The following TRPM3 variants were observed in gnomAD, a reference collection of about 807,000 sequenced individuals.
TRPM3 encodes transient receptor potential cation channel subfamily M member 3, also known as long transient receptor potential channel 3.
Under a neutral mutation model 181.2 loss-of-function variants are expected in TRPM3, and 77 were observed. The ratio of observed to expected loss-of-function variants is 0.42; its 90% CI spans 0.35 to 0.51. The LOEUF (loss-of-function observed/expected upper bound fraction) is 0.51, where lower values mean the gene tolerates loss of function less well. Ranked by LOEUF, TRPM3 falls within the 20% of genes least tolerant of loss-of-function variation. The pLI, the probability that TRPM3 is intolerant of heterozygous loss-of-function variation, is 0.01. For synonymous variants in TRPM3, 745 were observed against 796.4 expected (o/e 0.94, Z 1.09); for missense variants, 1,759 against 2,196.7 (o/e 0.80, Z 3.98).
At chr9:70,842,615 G>T (rs1388561654) in intron 5 of TRPM3, among the ~76,000 whole-genome samples, 4 of 152,032 alleles carry the variant, frequency 2.6e-5, no homozygotes, top group African/African-American at 9.7e-5. Flanking sequence ...AGAGCCCTGG[G>T]GTGCGGAGAG....
chr9:70,925,981 G>C (rs1233993147), intron 1 of TRPM3, among the ~76,000 whole-genome samples: 1 of 111,966 alleles, frequency 8.9e-6, no homozygotes, highest in Non-Finnish European at 1.8e-5. Context: ...AGAAGAAAAA[G>C]GTTGGCTTGG....
chr9:71,072,266 T>A (rs1398734667), intron 1 of TRPM3, among the ~76,000 whole-genome samples: 1 of 152,166 alleles, frequency 6.6e-6, no homozygotes, highest in African/African-American at 2.4e-5. Flanking sequence ...ACAGTTTGCT[T>A]TTAGGGTGGT....
intron 22 of TRPM3, among the ~76,000 whole-genome samples, chr9:70,559,441 G>A (rs80098366): frequency 0.032 from 4,847 of 152,242 alleles, 114 homozygotes; most frequent in Middle Eastern, 0.048. Flanking sequence ...TTGGTTTTTG[G>A]TAATTGCCAA....
chr9:71,085,021 A>G (rs570985331), intron 1 of TRPM3, among the ~76,000 whole-genome samples: 1 of 152,174 alleles, frequency 6.6e-6, no homozygotes, highest in East Asian at 1.9e-4. Context: ...AAAAATAAGC[A>G]ATAGGGAAGG....
At chr9:71,340,389 ATCT>A (rs2090876002) in intron 1 of TRPM3, among the ~76,000 whole-genome samples, 1 of 152,094 alleles carries the variant, frequency 6.6e-6, no homozygotes, top group Non-Finnish European at 1.5e-5. Context: ...CCCAAATCTC[ATCT>A]TGAATTACCA....
chr9:71,011,782 G>GTTTTT (rs1246219196), intron 1 of TRPM3, among the ~76,000 whole-genome samples: 1 of 93,240 alleles, frequency 1.1e-5, no homozygotes, highest in Non-Finnish European at 2.2e-5. Flanking sequence ...TTTTTTTTTT[G>GTTTTT]TTTTTTTGTT....
intron 1 of TRPM3, among the ~76,000 whole-genome samples, chr9:71,072,759 G>T (rs1032844447): frequency 6.6e-6 from 1 of 152,176 alleles, no homozygotes; most frequent in Admixed American, 6.5e-5. Context: ...TCTCACGAAA[G>T]CAGGATGTTG....
intron 1 of TRPM3, among the ~76,000 whole-genome samples, chr9:71,145,096 A>C (rs2075331362): frequency 6.6e-6 from 1 of 152,198 alleles, no homozygotes; most frequent in Admixed American, 6.5e-5. Context: ...ACAAATTATG[A>C]AATGTTTTGA....
intron 1 of TRPM3, among the ~76,000 whole-genome samples, chr9:71,097,315 C>G (rs1478495885): frequency 1.3e-5 from 2 of 151,882 alleles, no homozygotes; most frequent in Non-Finnish European, 2.9e-5. Flanking sequence ...AGGATATATA[C>G]TGTATATACA....
rs187609347 is a variant in TRPM3, at chr9:70,779,485, T to C, written c.1148+4620A>G. Among the ~76,000 whole-genome samples, 6 of 152,274 alleles carry C rather than the reference T, an allele frequency of 3.9e-5. No homozygotes were observed. In the East Asian group the frequency reaches 1.2e-3, roughly 29 times the overall value. The stretch of plus-strand genomic sequence containing the variant: ...TTTTCACACTGACTTTTTTTATGGG[T>C]GAAGTACTTGCTCACTGATTGACAA... On this transcript the variant is annotated intron_variant, in intron 7 of 25. Coordinates refer to ENST00000677713, the MANE Select transcript of TRPM3 (RefSeq NM_001366145.2).
At chr9:70,630,282 C>G (rs1292208027) in intron 12 of TRPM3, among the ~76,000 whole-genome samples, 1 of 152,222 alleles carries the variant, frequency 6.6e-6, no homozygotes, top group South Asian at 2.1e-4. Flanking sequence ...AAGATTCTGT[C>G]TATTTCTAAA....
At chr9:71,437,411 T>C (rs2094058496) in intron 1 of TRPM3, among the ~76,000 whole-genome samples, 1 of 152,190 alleles carries the variant, frequency 6.6e-6, no homozygotes, top group African/African-American at 2.4e-5. Context: ...AAAAGAATAA[T>C]ATTTCATAAG....
chr9:71,309,614 T>G (rs2087726357), intron 1 of TRPM3, among the ~76,000 whole-genome samples: 1 of 152,154 alleles, frequency 6.6e-6, no homozygotes, highest in South Asian at 2.1e-4. Flanking sequence ...ACAATTTTGG[T>G]GTAATTCTGA....
intron 9 of TRPM3, among the ~76,000 whole-genome samples, chr9:70,677,626 A>G (rs2134179637): frequency 6.6e-6 from 1 of 152,330 alleles, no homozygotes; most frequent in Admixed American, 6.5e-5. Flanking sequence ...TTTCTGTGTA[A>G]TCATATTTCT....
chr9:71,371,820 T>A (rs1237911907), intron 1 of TRPM3, among the ~76,000 whole-genome samples: 8 of 152,222 alleles, frequency 5.3e-5, no homozygotes, highest in Non-Finnish European at 1.2e-4. Context: ...AAAAAATTCA[T>A]TCTTGTCTTT....
At chr9:71,053,721 C>G (rs566564499) in intron 1 of TRPM3, among the ~76,000 whole-genome samples, 1 of 152,230 alleles carries the variant, frequency 6.6e-6, no homozygotes, top group Non-Finnish European at 1.5e-5. Context: ...GGTTCCTGGT[C>G]TGCCTCCTCA....
chr9:71,062,630 A>G (rs747536423), intron 1 of TRPM3, among the ~76,000 whole-genome samples: 1 of 152,134 alleles, frequency 6.6e-6, no homozygotes, highest in Non-Finnish European at 1.5e-5. Flanking sequence ...CACAAAATTC[A>G]TGTGTAGGAA....
In TRPM3 at chr9:71,180,662, G is replaced by C. The variant is rs1266254773; in HGVS notation, c.183+265991C>G. The stretch of plus-strand genomic sequence containing the variant: ...CTGTGAGGATGTGCAGATCCACCTA[G>C]GCCACATTCTCTCCCTGTTGCCAAA... On this transcript the variant is annotated intron_variant, in intron 1 of 24. Transcript: ENST00000357533. Among the ~76,000 whole-genome samples, 5 of 152,130 alleles carry C rather than the reference G, an allele frequency of 3.3e-5. No individual in the cohort carries two copies. In the East Asian group the frequency reaches 5.8e-4, roughly 18 times the overall value.
chr9:70,821,301 T>C (rs529858822), intron 6 of TRPM3, among the ~76,000 whole-genome samples: 73 of 152,210 alleles, frequency 4.8e-4, no homozygotes, highest in Non-Finnish European at 7.9e-4. Context: ...TATTCAGAGG[T>C]GGAAGTAGGT....
Sources: gnomAD v4.1 joint callset for allele counts (sites outside exome capture counted in the v4.1 genomes callset) on GRCh38, gnomAD v4.1.1 for gene constraint, MANE v1.5 for transcripts, NCBI Gene and HGNC (gene_info 2026-07-23, HGNC 2026-07-21) for gene names.